SYNE1: variants seen among roughly 807,000 people sequenced by gnomAD.
SYNE1 encodes nesprin-1.
A neutral mutation model predicts 1,111.0 loss-of-function variants in SYNE1; 616 were observed. The observed-to-expected ratio is 0.55, with a 90% confidence interval of 0.52 to 0.59. The LOEUF is 0.59. Ranked by LOEUF, SYNE1 falls within the 20% of genes least tolerant of loss-of-function variation. The pLI, the probability that SYNE1 is intolerant of heterozygous loss-of-function variation, is 0.00. For missense variants in SYNE1, 10,006 were observed against 10,417.0 expected (o/e 0.96, Z 1.72); for synonymous variants, 3,855 against 3,825.8 (o/e 1.01, Z -0.28).
At chr6:152,236,687 C>A (rs1205981586) in intron 109 of SYNE1, 130 bp downstream of exon 109, 1 of 1,141,720 alleles carries the variant, frequency 8.8e-7, no homozygotes, top group Non-Finnish European at 1.3e-6. Context: ...GAAACATTAT[C>A]TCCTTTCAAT....
chr6:152,259,100 T>C (rs890134333), intron 101 of SYNE1, among the ~76,000 whole-genome samples: 6 of 152,174 alleles, frequency 3.9e-5, no homozygotes, highest in African/African-American at 1.4e-4. Flanking sequence ...TGACTACTCA[T>C]GATCCTGTAA....
At chr6:152,528,552 C>A (rs1407571348) in intron 4 of SYNE1, among the ~76,000 whole-genome samples, 1 of 152,046 alleles carries the variant, frequency 6.6e-6, no homozygotes, top group Non-Finnish European at 1.5e-5. Flanking sequence ...GTCACATGTA[C>A]AAATATTTAT....
intron 74 of SYNE1, among the ~76,000 whole-genome samples, chr6:152,339,989 C>T (rs1402075923): frequency 2.6e-5 from 4 of 152,148 alleles, no homozygotes; most frequent in Non-Finnish European, 5.9e-5. Context: ...AAAGCAAAAC[C>T]CTTGCTCCCA....
At chr6:152,636,028 A>G (rs377328470) in intron 2 of SYNE1, among the ~76,000 whole-genome samples, 14 of 152,244 alleles carry the variant, frequency 9.2e-5, no homozygotes, top group African/African-American at 2.4e-4. Flanking sequence ...CATTTCCCAG[A>G]ACTCCTCCGC....
At position 152,310,120 on chromosome 6, in the gene SYNE1, GCA is replaced by G; in HGVS notation, c.17020-105_17020-104del. 7.3e-6 allele frequency: 9 copies of G among 1,234,476 alleles called. No homozygotes were observed. The Admixed American group carries it at 1.3e-4, about 18-fold the overall frequency. The allele number at this position is 1,234,476 out of a possible 1,614,324, so 76.5% of individuals were successfully genotyped here. A position where few individuals can be genotyped will look rare whatever the true frequency, so the allele number is the denominator to read the frequency against. On this transcript the variant is annotated intron_variant, in intron 89 of 145. Coordinates refer to ENST00000367255, the MANE Select transcript of SYNE1 (RefSeq NM_182961.4). ...TTACGTTGCAAGTTATAAACATTTT[GCA>G]AAAAAAAAAAAATGTTTAAAACAGT... is the stretch of plus-strand genomic sequence containing the variant.
chr6:152,406,031 T>C (rs1320184242), intron 45 of SYNE1, among the ~76,000 whole-genome samples: 3 of 152,044 alleles, frequency 2.0e-5, no homozygotes, highest in East Asian at 1.9e-4. Flanking sequence ...CCCACGAGGG[T>C]AGGACTTTCT....
rs182584336 is a variant in SYNE1 at position 152,498,643 on chromosome 6, G to A, written c.939+99C>T. ...ATGTGATTAAAGTATTAAGAGAAAT[G>A]TATACATAAAGACAAAAACATGCAA... is the stretch of plus-strand genomic sequence containing the variant. On this transcript the variant is annotated intron_variant, in intron 11 of 145. Coordinates refer to ENST00000367255, the MANE Select transcript of SYNE1 (RefSeq NM_182961.4). 1.1e-3 allele frequency: 837 copies of A among 744,622 alleles called. 6 individuals carry two copies. The African/African-American group carries it at 0.013, about 12-fold the overall frequency. 46.1% of individuals were successfully genotyped at this position (744,622 alleles called of 1,614,324 possible).
At chr6:152,364,826 C>T (rs2097035749) in intron 63 of SYNE1, 21 bp downstream of exon 63, 1 of 1,614,130 alleles carries the variant, frequency 6.2e-7, no homozygotes, top group Non-Finnish European at 8.5e-7. Flanking sequence ...TTCCCCAGTG[C>T]TTGGCTGTAG....
chr6:152,174,766 G>A (rs902514544), intron 130 of SYNE1, among the ~76,000 whole-genome samples: 1 of 152,184 alleles, frequency 6.6e-6, no homozygotes, highest in Admixed American at 6.5e-5. Flanking sequence ...TGTAAAATGG[G>A]CATAATGATA....
rs1229407922 is a variant in SYNE1, at chr6:152,122,444, G to GACC, written c.26385_26386insGGT (p.Pro8795_Pro8796insGly). The stretch of plus-strand genomic sequence containing the variant: ...GATGGCATCTGCTTAGTTCAGAGTG[G>GACC]AGGAGGGCCATTCGTGTATCTGAGC... On this transcript the variant is annotated inframe_insertion, in exon 146 of 146. Transcript: ENST00000367255. The GACC allele has an allele frequency of 4.3e-6, 7 of 1,614,154 alleles. No homozygotes were observed. Among genetic ancestry groups the GACC allele is most frequent in the Non-Finnish European group, 5.9e-6 (7 of 1,180,042 alleles).
At position 152,176,889 on chromosome 6, in the gene SYNE1, G is replaced by C. The variant is rs972963547; in HGVS notation, c.23461-329C>G. ...AAGATTTTAATATTGGAAAATTATA[G>C]TTTATTTCTCTCATCACTAACCTGA... On this transcript the variant is annotated intron_variant, in intron 129 of 145. Transcript: ENST00000367255. 2.0e-5 allele frequency among the ~76,000 whole-genome samples: 3 copies of C among 151,942 alleles called. No individual in the cohort carries two copies. The East Asian group carries it at 5.8e-4, about 29-fold the overall frequency.
intron 64 of SYNE1, among the ~76,000 whole-genome samples, chr6:152,359,997 G>A (rs559245107): frequency 8.5e-5 from 13 of 152,250 alleles, no homozygotes; most frequent in African/African-American, 3.1e-4. Flanking sequence ...CCCCAGCCCA[G>A]GCTGCCCTCC....
At position 152,462,778 on chromosome 6, in the gene SYNE1, A is replaced by G. The variant is rs746347703; in HGVS notation, c.2210T>C (p.Val737Ala). ...TAATAGCTTGACATTCATAAAAGAG[A>G]CTTCTAAGGGTTCAGAAAGTTTCTT... ...AHKKLSEPLE[V>A]SFMNVKLLIQ... The change falls in exon 20 of 146, where the codon GTC becomes GCC. Residue 737 changes from valine to alanine, a missense_variant. Coordinates refer to ENST00000367255, the MANE Select transcript of SYNE1 (RefSeq NM_182961.4). The G allele has an allele frequency of 3.5e-5, 57 of 1,613,886 alleles. No individual in the cohort carries two copies. The highest frequency in any genetic ancestry group is 4.4e-5 in the Non-Finnish European group (52 of 1,179,950).
Position 152,352,115 on chromosome 6 carries a change from C to T in SYNE1, c.11492G>A (p.Trp3831Ter), listed in dbSNP as rs777524401. Residue 3831 changes from tryptophan (W) to a stop codon, truncating the protein, a stop_gained, in exon 70 of 146, where the codon TGG becomes TAG. Transcript: ENST00000367255. LOFTEE classifies it high-confidence loss of function. ...TAGAATTTCCTGGTATTCTGCTATC[C>T]ACTGTGTCAGTGCTTTGCATTTATC... The part of the protein sequence containing the change: ...FSDKCKALTQ[W>*]IAEYQEILHV... The T allele has an allele frequency of 1.9e-6, 3 of 1,614,050 alleles. No individual in the cohort carries two copies. In the African/African-American group the frequency reaches 4.0e-5, roughly 22 times the overall value.
rs201204269 is a variant in SYNE1, at chr6:152,359,411, G to T, written c.10347C>A (p.Ile3449=). ...VLSYSSLLET[I]EVKGAGMTEH... ...CTGTCATGCCAGCCCCTTTGACTTC[G>T]ATGGTCTCCAGCAAGCTGCTGTAAC... The change falls in exon 65 of 146, where the codon ATC becomes ATA. Residue 3449 remains isoleucine (I), a synonymous_variant. Transcript: ENST00000367255. 6.2e-7 allele frequency: 1 copy of T among 1,614,124 alleles called. No homozygotes were observed. Among genetic ancestry groups the T allele is most frequent in the Non-Finnish European group, 8.5e-7 (1 of 1,180,030 alleles).
rs749332593 is a variant in SYNE1 at position 152,387,178 on chromosome 6, A to G, written c.8381T>C (p.Ile2794Thr). The change falls in exon 54 of 146, where the codon ATT becomes ACT. Residue 2794 changes from isoleucine to threonine, a missense_variant. Physicochemically the swap from Ile to Thr is moderately conservative, Grantham distance 89 (BLOSUM62 -1). Around this residue, in one of 7 missense-constraint regions of SYNE1, gnomAD observed 4,955 missense variants for 5,017.2 expected, o/e 0.99. Coordinates refer to ENST00000367255, the MANE Select transcript of SYNE1 (RefSeq NM_182961.4). ...EDHTRALHRLIAKSRELYEKT... is the reference protein window; with the variant it reads ...EDHTRALHRLTAKSRELYEKT... ...TTCGTAGAGCTCCCTGGACTTCGCA[A>G]TTAGACGGTGAAGGGCTCTCGTGTG... The G allele has an allele frequency of 4.3e-6, 7 of 1,614,168 alleles. No individual in the cohort carries two copies. In the East Asian group the frequency reaches 8.9e-5, roughly 21 times the overall value.
intron 33 of SYNE1, 100 bp downstream of exon 33, chr6:152,435,841 A>G: frequency 2.8e-6 from 4 of 1,411,324 alleles, no homozygotes; most frequent in Non-Finnish European, 3.0e-6. Context: ...ATACACAGAC[A>G]CTTTGAGATT....
intron 3 of SYNE1, among the ~76,000 whole-genome samples, chr6:152,572,797 T>C (rs148951630): frequency 1.3e-5 from 2 of 152,310 alleles, no homozygotes; most frequent in Non-Finnish European, 2.9e-5. Flanking sequence ...TGGTATTTGT[T>C]CATGGGTGTT....
Position 152,367,362 on chromosome 6 carries a change from A to G in SYNE1, c.9828T>C (p.Asp3276=). 1 of 1,614,186 alleles carries G rather than the reference A, an allele frequency of 6.2e-7. No homozygotes were observed. Among genetic ancestry groups the G allele is most frequent in the South Asian group, 1.1e-5 (1 of 91,086 alleles). The change falls in exon 62 of 146, where the codon GAT becomes GAC. Residue 3276 remains aspartate, a synonymous_variant. Coordinates refer to ENST00000367255, the MANE Select transcript of SYNE1 (RefSeq NM_182961.4). ...ACTGATTGTGTTCTGCAACGATTCTATCCAGTCTTGACACTTTCTCCTGGA... is the reference window on the plus strand; with the variant it reads ...ACTGATTGTGTTCTGCAACGATTCTGTCCAGTCTTGACACTTTCTCCTGGA... ...NLTKEKVSRL[D]RIVAEHNQFS...
Sources: allele counts gnomAD v4.1 joint callset (sites outside exome capture counted in the v4.1 genomes callset), GRCh38; gene constraint gnomAD v4.1.1; regional missense constraint gnomAD v4.1.1; transcripts MANE v1.5; gene names NCBI Gene and HGNC (gene_info 2026-07-23, HGNC 2026-07-21).